The following RIC1 variants were observed in gnomAD, a reference collection of about 807,000 sequenced individuals.
The protein encoded by RIC1 is RIC1 partner of RAB6A GEF complex.
A neutral mutation model predicts 169.0 loss-of-function variants in RIC1; 88 were observed. That is an observed-to-expected ratio of 0.52 (90% CI 0.44 to 0.62). The LOEUF is 0.62. Ranked by LOEUF, RIC1 falls within the 20% of genes least tolerant of loss-of-function variation. RIC1 has a pLI of 0.00. For missense variants in RIC1, 1,877 were observed against 1,725.5 expected (o/e 1.09, Z -1.56); for synonymous variants, 790 against 601.5 (o/e 1.31, Z -4.59).
At chr9:5,722,155 TGGGATTACAGGCGTCAGCC>T (rs773411702) in intron 6 of RIC1, among the ~76,000 whole-genome samples, 5 of 151,808 alleles carry the variant, frequency 3.3e-5, no homozygotes, top group Non-Finnish European at 7.4e-5. Flanking sequence ...CCCAATGTGC[TGGGATTACAGGCGTCAGCC>T]ATGGTGCCCA....
intron 24 of RIC1, 60 bp downstream of exon 24, chr9:5,772,801 G>A: frequency 1.3e-6 from 2 of 1,552,520 alleles, no homozygotes; most frequent in South Asian, 2.4e-5. Flanking sequence ...GGGCAAATAG[G>A]TATGGGGCTA....
chr9:5,648,053 G>A (rs923256942), intron 1 of RIC1, among the ~76,000 whole-genome samples: 1 of 151,732 alleles, frequency 6.6e-6, no homozygotes, highest in Non-Finnish European at 1.5e-5. Flanking sequence ...TGTGATCTCG[G>A]CTTACTGCAA....
chr9:5,653,155 AGTT>A (rs1286087996), intron 1 of RIC1, among the ~76,000 whole-genome samples: 4 of 152,166 alleles, frequency 2.6e-5, no homozygotes, highest in Non-Finnish European at 4.4e-5. Flanking sequence ...GTTGACGTCT[AGTT>A]GTTTGAATAC....
Position 5,629,254 on chromosome 9 carries a change from C to G in RIC1, c.-56C>G. Reference sequence around the variant, plus strand: ...CGGTGTGGGAGGTGGGCGACCAGCCCGGGGCCGCTGAGTGTGACGGACGCA... The same window carrying G: ...CGGTGTGGGAGGTGGGCGACCAGCCGGGGGCCGCTGAGTGTGACGGACGCA... On this transcript the variant is annotated 5_prime_UTR_variant, in exon 1 of 26. Transcript: ENST00000414202. The G allele has an allele frequency of 7.1e-7, 1 of 1,400,838 alleles. No homozygotes were observed. Among genetic ancestry groups the G allele is most frequent in the Non-Finnish European group, 9.3e-7 (1 of 1,075,362 alleles). The allele number at this position is 1,400,838 out of a possible 1,614,324, so 86.8% of individuals were successfully genotyped here. A position where few individuals can be genotyped will look rare whatever the true frequency, so the allele number is the denominator to read the frequency against.
rs374519511 is a variant in RIC1 at position 5,738,585 on chromosome 9, G to T, written c.901+47G>T. On this transcript the variant is annotated intron_variant, in intron 8 of 25. Coordinates refer to ENST00000414202, the MANE Select transcript of RIC1 (RefSeq NM_020829.4). ...TTTTTTTAACATTTTTAATGTACTG[G>T]TATTGCCATTTGTAGCAGATGCTGA... The T allele has an allele frequency of 2.6e-4, 293 of 1,131,482 alleles. No homozygotes were observed. The African/African-American group carries it at 4.4e-3, about 17-fold the overall frequency. 70.1% of individuals were successfully genotyped at this position (1,131,482 alleles called of 1,614,324 possible). A position where few individuals can be genotyped will look rare whatever the true frequency, so the allele number is the denominator to read the frequency against.
At chr9:5,744,713 A>G (rs567055463) in intron 10 of RIC1, among the ~76,000 whole-genome samples, 23 of 152,264 alleles carry the variant, frequency 1.5e-4, no homozygotes, top group African/African-American at 5.5e-4. Flanking sequence ...TCAGCCCTCA[A>G]AAAGTTGCAG....
chr9:5,734,197 C>T (rs1300724693), intron 7 of RIC1, among the ~76,000 whole-genome samples: 1 of 151,700 alleles, frequency 6.6e-6, no homozygotes, highest in African/African-American at 2.4e-5. Flanking sequence ...ACCTCTGCCT[C>T]CTGGGTTCAA....
intron 1 of RIC1, among the ~76,000 whole-genome samples, chr9:5,653,047 C>T (rs996862217): frequency 1.3e-5 from 2 of 152,192 alleles, no homozygotes; most frequent in Non-Finnish European, 2.9e-5. Flanking sequence ...TTCCTGGGAT[C>T]AGTCCTACTT....
At position 5,656,599 on chromosome 9, in the gene RIC1, T is replaced by C. The variant is rs1191491924; in HGVS notation, c.161T>C (p.Val54Ala). Residue 54 changes from valine to alanine, a missense_variant, in exon 2 of 26, where the codon GTA becomes GCA. By Grantham distance (64) the Val-to-Ala change is moderately conservative (BLOSUM62 0). Transcript: ENST00000414202. ...ATCACACAGCCTAGTGTGTTAATTG[T>C]AACCTACAAGGAGCCTGCAAAATCA... The part of the protein sequence containing the change: ...IWYSRPSVLI[V>A]TYKEPAKSST... The C allele has an allele frequency of 6.3e-7, 1 of 1,598,118 alleles. No homozygotes were observed. Among genetic ancestry groups the C allele is most frequent in the South Asian group, 1.1e-5 (1 of 88,634 alleles).
At chr9:5,649,033 G>A (rs1818667862) in intron 1 of RIC1, among the ~76,000 whole-genome samples, 1 of 152,060 alleles carries the variant, frequency 6.6e-6, no homozygotes, top group Non-Finnish European at 1.5e-5. Flanking sequence ...ACTCTGGGAG[G>A]CTGAAGTGGG....
rs1198355205 is a variant in RIC1, at chr9:5,768,386, G to A, written c.3138-584G>A. The stretch of plus-strand genomic sequence containing the variant: ...GCAAAAATAAAAATACATTGGCTAG[G>A]CATGGTGGCAAGTACCTGTAGTCCC... On this transcript the variant is annotated intron_variant, in intron 21 of 25. Transcript: ENST00000414202. 3.9e-5 allele frequency among the ~76,000 whole-genome samples: 6 copies of A among 152,124 alleles called. 1 individual carries two copies. Among genetic ancestry groups the A allele is most frequent in the Admixed American group, 1.3e-4 (2 of 15,278 alleles).
intron 12 of RIC1, among the ~76,000 whole-genome samples, chr9:5,747,901 C>G (rs1488018870): frequency 6.6e-6 from 1 of 152,176 alleles, no homozygotes; most frequent in African/African-American, 2.4e-5. Flanking sequence ...GCTGACCTTA[C>G]AGTCTTAAGG....
chr9:5,753,129 G>C, intron 12 of RIC1, 71 bp from the exon 13 acceptor site: 1 of 1,340,362 alleles, frequency 7.5e-7, no homozygotes, highest in South Asian at 1.2e-5. Flanking sequence ...ATCTCATAGT[G>C]TGATAACTTA....
At chr9:5,671,331 G>A (rs183058509) in intron 2 of RIC1, among the ~76,000 whole-genome samples, 17 of 150,064 alleles carry the variant, frequency 1.1e-4, no homozygotes, top group African/African-American at 3.4e-4. Flanking sequence ...GTGGAGTGGC[G>A]CAGCGCAATC....
intron 2 of RIC1, among the ~76,000 whole-genome samples, chr9:5,659,806 A>G (rs1432087834): frequency 6.6e-6 from 1 of 151,988 alleles, no homozygotes. Context: ...TTTCCTTTTC[A>G]GTTGTTCATT....
rs112320219 is a variant in RIC1 at position 5,687,392 on chromosome 9, G to A, written c.253-2567G>A. On this transcript the variant is annotated intron_variant, in intron 2 of 25. Coordinates refer to ENST00000414202, the MANE Select transcript of RIC1 (RefSeq NM_020829.4). ...CCCTCCACCACTTGCTTTGGATTTC[G>A]TTTGCTCTAGTTTAATTTGTTTCTA... Among the ~76,000 whole-genome samples the A allele has an allele frequency of 5.0e-3, 768 of 152,098 alleles. 8 individuals carry two copies. The highest frequency in any genetic ancestry group is 0.017 in the African/African-American group (723 of 41,490).
At position 5,683,580 on chromosome 9, in the gene RIC1, C is replaced by G. The variant is rs146253491; in HGVS notation, c.253-6379C>G. On this transcript the variant is annotated intron_variant, in intron 2 of 25. Coordinates refer to ENST00000414202, the MANE Select transcript of RIC1 (RefSeq NM_020829.4). Reference sequence around the variant, plus strand: ...TACTGGGGGGTGCCCCTCAGTTATGCTACTCAGGGGTCAGGGACCCACTTG... The same window carrying G: ...TACTGGGGGGTGCCCCTCAGTTATGGTACTCAGGGGTCAGGGACCCACTTG... Among the ~76,000 whole-genome samples the G allele has an allele frequency of 6.2e-3, 942 of 152,314 alleles. 31 individuals are homozygous for G. Among genetic ancestry groups the G allele is most frequent in the Admixed American group, 0.048 (728 of 15,306 alleles).
intron 1 of RIC1, among the ~76,000 whole-genome samples, chr9:5,635,631 C>T (rs1204260997): frequency 2.0e-5 from 3 of 152,114 alleles, no homozygotes. Flanking sequence ...GGCTCTATTT[C>T]CCCACCCAAA....
At chr9:5,670,068 C>G (rs868000111) in intron 2 of RIC1, among the ~76,000 whole-genome samples, 2 of 152,190 alleles carry the variant, frequency 1.3e-5, no homozygotes, top group Non-Finnish European at 2.9e-5. Flanking sequence ...CACATCAGGT[C>G]TCCAGTTAGT....
Sources: gnomAD v4.1 joint callset for allele counts (sites outside exome capture counted in the v4.1 genomes callset) on GRCh38, gnomAD v4.1.1 for gene constraint, MANE v1.5 for transcripts, NCBI Gene and HGNC (gene_info 2026-07-23, HGNC 2026-07-21) for gene names.